CWC22: variants seen among roughly 807,000 people sequenced by gnomAD.
CWC22 encodes the protein CWC22 spliceosome associated protein.
Under a neutral mutation model 117.2 loss-of-function variants are expected in CWC22, and 53 were observed. That is an observed-to-expected ratio of 0.45 (90% confidence interval 0.36 to 0.57). The LOEUF (loss-of-function observed/expected upper bound fraction) is 0.57, where lower values mean the gene tolerates loss of function less well. Among genes scored for constraint, CWC22 ranks in the 20% least tolerant of loss-of-function variants. CWC22 has a pLI of 0.00. For synonymous variants in CWC22, 360 were observed against 355.6 expected (o/e 1.01, Z -0.14); for missense variants, 980 against 1,068.8 (o/e 0.92, Z 1.16).
At chr2:179,981,617 A>T in intron 5 of CWC22, 135 bp downstream of exon 5, 1 of 661,880 alleles carries the variant, frequency 1.5e-6, no homozygotes, top group East Asian at 2.7e-5. Flanking sequence ...CTATAAAGTA[A>T]AGAGGTCTCT....
intron 8 of CWC22, among the ~76,000 whole-genome samples, chr2:179,972,500 T>C (rs755045155): frequency 1.3e-5 from 2 of 152,142 alleles, no homozygotes; most frequent in East Asian, 1.9e-4. Context: ...TTGCAAGGAA[T>C]AGAGGTTTTT....
intron 1 of CWC22, among the ~76,000 whole-genome samples, chr2:179,996,764 A>T (rs1403703725): frequency 6.6e-6 from 1 of 152,094 alleles, no homozygotes; most frequent in African/African-American, 2.4e-5. Flanking sequence ...ATTTTATATC[A>T]AAATTTTTGA....
intron 4 of CWC22, among the ~76,000 whole-genome samples, chr2:179,985,342 G>C (rs955811773): frequency 6.6e-6 from 1 of 152,034 alleles, no homozygotes; most frequent in African/African-American, 2.4e-5. Context: ...AAGTACTTGA[G>C]AGTATTTCCA....
chr2:180,003,428 C>T (rs1378949507), intron 1 of CWC22, among the ~76,000 whole-genome samples: 1 of 152,212 alleles, frequency 6.6e-6, no homozygotes, highest in Non-Finnish European at 1.5e-5. Context: ...ATCTGTTCCT[C>T]AGCTTGCCTA....
intron 1 of CWC22, among the ~76,000 whole-genome samples, chr2:179,995,321 TCA>T (rs977690575): frequency 2.2e-4 from 34 of 152,280 alleles, no homozygotes; most frequent in African/African-American, 8.2e-4. Flanking sequence ...CTTCATAAAA[TCA>T]GACTCTGTGA....
chr2:179,950,518 C>T lies in CWC22; in HGVS notation c.2134G>A (p.Ala712Thr), dbSNP rs1178887800. 6.2e-7 allele frequency: 1 copy of T among 1,601,632 alleles called. No homozygotes were observed. Residue 712 changes from alanine to threonine, a missense_variant, in exon 19 of 20, where the codon GCC (alanine) becomes ACC (threonine). By Grantham distance (58) the Ala-to-Thr change is moderately conservative. Around this residue, in one of 3 missense-constraint regions of CWC22, gnomAD observed 306 missense variants for 296.8 expected, o/e 1.03. Coordinates refer to ENST00000410053, the MANE Select transcript of CWC22 (RefSeq NM_020943.3). ...TACACATAAGCTTCAATACCTGAGG[C>T]AGAGCTATGACTACTGATGGATGAA... ...DSSSISSHSS[A>T]SANDVRKKGH...
chr2:179,961,266 A>C (rs145393921), intron 13 of CWC22, among the ~76,000 whole-genome samples: 8 of 152,092 alleles, frequency 5.3e-5, no homozygotes, highest in Admixed American at 5.2e-4. Flanking sequence ...CTATATTTGC[A>C]TTTCTGTGGA....
At position 179,955,121 on chromosome 2, in the gene CWC22, C is replaced by A. The variant is rs1001860764; in HGVS notation, c.1459-87G>T. 4.2e-6 allele frequency: 4 copies of A among 946,994 alleles called. No individual in the cohort carries two copies. In the South Asian group the frequency reaches 4.4e-5, roughly 11 times the overall value. 58.7% of individuals were successfully genotyped at this position (946,994 alleles called of 1,614,324 possible). ...TTACCAGTATGATAGTGACTGCCTG[C>A]ATTTTTAAATAAGGGTTTAAAACAG... On this transcript the variant is annotated intron_variant, in intron 14 of 19. Transcript: ENST00000410053.
At chr2:179,997,045 A>G (rs1687722111) in intron 1 of CWC22, among the ~76,000 whole-genome samples, 1 of 152,178 alleles carries the variant, frequency 6.6e-6, no homozygotes, top group African/African-American at 2.4e-5. Context: ...AAAGAAATGA[A>G]GAATACTGTA....
chr2:179,945,565 G>A lies in CWC22; in HGVS notation c.2291C>T (p.Ser764Leu). 1 of 1,613,100 alleles carries A rather than the reference G, an allele frequency of 6.2e-7. No homozygotes were observed. Among genetic ancestry groups the A allele is most frequent in the Non-Finnish European group, 8.5e-7 (1 of 1,179,414 alleles). The change falls in exon 20 of 20, where the codon TCA (serine) becomes TTA (leucine). Residue 764 changes from serine to leucine, a missense_variant. This residue lies in a region of CWC22 where 306 missense variants were observed against 296.8 expected (regional missense o/e 1.03). Transcript: ENST00000410053. ...TGAATTTTGATCTCTGTGTTTTTCT[G>A]ACCTTCTTTCTCTCTCAGTCCTTGT... ...QETRTERERR[S>L]EKHRDQNSSG...
Position 179,964,562 on chromosome 2 carries a change from A to G in CWC22, c.1382T>C (p.Leu461Pro). The G allele has an allele frequency of 6.4e-7, 1 of 1,563,708 alleles. No individual in the cohort carries two copies. Among genetic ancestry groups the G allele is most frequent in the Non-Finnish European group, 8.7e-7 (1 of 1,148,486 alleles). Reference sequence around the variant, plus strand: ...GATGCCTTACCTTGACTGAATAGCAAGATAAATTGTACGACGAAATGAGAC... The same window carrying G: ...GATGCCTTACCTTGACTGAATAGCAGGATAAATTGTACGACGAAATGAGAC... Reference protein sequence around the residue: ...NLVSFRRTIYLAIQSSLDFEE... With the variant: ...NLVSFRRTIYPAIQSSLDFEE... Residue 461 changes from leucine (L) to proline (P), a missense_variant, in exon 13 of 20, where the codon CTT (leucine) becomes CCT (proline). By Grantham distance (98) the Leu-to-Pro change is moderately conservative. Around this residue, in one of 3 missense-constraint regions of CWC22, gnomAD observed 559 missense variants for 602.3 expected, o/e 0.93. Transcript: ENST00000410053.
intron 13 of CWC22, among the ~76,000 whole-genome samples, chr2:179,962,594 T>C (rs1384011434): frequency 6.6e-6 from 1 of 152,192 alleles, no homozygotes; most frequent in Admixed American, 6.5e-5. Context: ...AGTGGTGGCA[T>C]AGACTGGATA....
At chr2:180,005,239 C>T (rs919736612) in intron 1 of CWC22, among the ~76,000 whole-genome samples, 1 of 152,294 alleles carries the variant, frequency 6.6e-6, no homozygotes, top group Non-Finnish European at 1.5e-5. Context: ...GAGCCCCAGT[C>T]AACTGAGTTG....
intron 12 of CWC22, 119 bp from the exon 13 acceptor site, chr2:179,964,747 T>C (rs1309094167): frequency 5.3e-6 from 3 of 561,778 alleles, no homozygotes; most frequent in African/African-American, 3.8e-5. Context: ...TTTAATAATA[T>C]TATCTTTTTA....
chr2:179,982,036 T>A, intron 4 of CWC22, 39 bp from the exon 5 acceptor site: 2 of 1,102,284 alleles, frequency 1.8e-6, no homozygotes, highest in Non-Finnish European at 2.7e-6. Flanking sequence ...AAAGACAATA[T>A]AAAACACACT....
Position 180,004,683 on chromosome 2 carries a change from C to G in CWC22, c.-114+2184G>C, listed in dbSNP as rs568932389. Among the ~76,000 whole-genome samples the G allele has an allele frequency of 5.1e-3, 768 of 151,854 alleles. 9 individuals carry two copies. The highest frequency in any genetic ancestry group is 0.017 in the African/African-American group (724 of 41,408). ...TGCAGGCATGAGCCATCGCCGCCCC[C>G]GCCCCTCGCCCCCCTCCCCCCCAGG... On this transcript the variant is annotated intron_variant, in intron 1 of 19. Coordinates refer to ENST00000410053, the MANE Select transcript of CWC22 (RefSeq NM_020943.3).
At chr2:179,978,397 T>C (rs1268336800) in intron 5 of CWC22, 79 bp from the exon 6 acceptor site, 32 of 1,333,366 alleles carry the variant, frequency 2.4e-5, no homozygotes, top group Non-Finnish European at 3.0e-5. Flanking sequence ...AACTACATAG[T>C]GCTCCTTAAT....
chr2:179,968,200 A>G (rs774906328), intron 11 of CWC22, among the ~76,000 whole-genome samples: 1 of 152,236 alleles, frequency 6.6e-6, no homozygotes, highest in Non-Finnish European at 1.5e-5. Flanking sequence ...ATGCATGAGT[A>G]AAAGATTTAT....
At chr2:179,994,257 C>T (rs1157370311) in intron 1 of CWC22, among the ~76,000 whole-genome samples, 1 of 151,966 alleles carries the variant, frequency 6.6e-6, no homozygotes, top group Non-Finnish European at 1.5e-5. Context: ...TTAAAAGATA[C>T]AGAGAATGCA....
Sources: allele counts gnomAD v4.1 joint callset (sites outside exome capture counted in the v4.1 genomes callset), GRCh38; gene constraint gnomAD v4.1.1; regional missense constraint gnomAD v4.1.1; transcripts MANE v1.5; gene names NCBI Gene and HGNC (gene_info 2026-07-23, HGNC 2026-07-21).